KCNIP4: variants seen among roughly 807,000 people sequenced by gnomAD.
KCNIP4 encodes the protein potassium voltage-gated channel interacting protein 4, also known as Kv channel-interacting protein 4.
KCNIP4 carries 12 observed loss-of-function variants against 34.0 expected under a neutral mutation model. The ratio of observed to expected loss-of-function variants is 0.35; its 90% CI spans 0.23 to 0.57. The LOEUF (loss-of-function observed/expected upper bound fraction) is 0.57, where lower values mean the gene tolerates loss of function less well. KCNIP4 is among the 20% of genes least tolerant of loss of function. The pLI, the probability that KCNIP4 is intolerant of heterozygous loss-of-function variation, is 0.83. For missense variants in KCNIP4, 238 were observed against 311.7 expected, an observed-to-expected ratio of 0.76 and a Z score of 1.78; for synonymous variants, 124 against 102.2, an observed-to-expected ratio of 1.21 and a Z score of -1.29.
At position 21,071,844 on chromosome 4, in the gene KCNIP4, C is replaced by T. The variant is rs111823297; in HGVS notation, c.62-189135G>A. Among the ~76,000 whole-genome samples the T allele has an allele frequency of 6.2e-3, 941 of 152,164 alleles. 8 individuals are homozygous for T. Among genetic ancestry groups the T allele is most frequent in the African/African-American group, 0.022 (899 of 41,512 alleles). ...TGTGTGATGTTCCCCTTCCTGTGTC[C>T]AAGTGTTCTCATTGTTCAATTCCCA... On this transcript the variant is annotated intron_variant, in intron 1 of 8. Transcript: ENST00000382152.
chr4:21,460,795 G>A (rs1220447422), intron 1 of KCNIP4, among the ~76,000 whole-genome samples: 2 of 151,974 alleles, frequency 1.3e-5, no homozygotes, highest in Non-Finnish European at 2.9e-5. Context: ...TCCTGGGGGA[G>A]GTCTGGGCAG....
At chr4:21,638,619 A>G (rs1295109651) in intron 1 of KCNIP4, among the ~76,000 whole-genome samples, 1 of 152,148 alleles carries the variant, frequency 6.6e-6, no homozygotes, top group African/African-American at 2.4e-5. Context: ...GGCAGCAAAG[A>G]TTTCAATTTC....
chr4:21,650,208 G>A (rs1362840232), intron 1 of KCNIP4, among the ~76,000 whole-genome samples: 2 of 152,160 alleles, frequency 1.3e-5, no homozygotes, highest in African/African-American at 4.8e-5. Flanking sequence ...CTCACTATGT[G>A]GAAAACCCTT....
chr4:21,543,052 T>C (rs1737837076), intron 1 of KCNIP4, among the ~76,000 whole-genome samples: 2 of 152,066 alleles, frequency 1.3e-5, no homozygotes, highest in Non-Finnish European at 1.5e-5. Context: ...AGGAAATCAA[T>C]AGACATTCCC....
At chr4:21,271,832 T>G (rs1354813691) in intron 1 of KCNIP4, among the ~76,000 whole-genome samples, 1 of 152,194 alleles carries the variant, frequency 6.6e-6, no homozygotes, top group Non-Finnish European at 1.5e-5. Flanking sequence ...GGTTTGGCAG[T>G]GATTTATCGA....
chr4:21,743,687 T>C (rs1716579489), intron 1 of KCNIP4, among the ~76,000 whole-genome samples: 1 of 151,574 alleles, frequency 6.6e-6, no homozygotes, highest in African/African-American at 2.4e-5. Context: ...TTTCTCCATA[T>C]ATCACTTTTA....
chr4:20,960,469 G>A (rs543904807), intron 1 of KCNIP4, among the ~76,000 whole-genome samples: 6 of 152,132 alleles, frequency 3.9e-5, no homozygotes, highest in Non-Finnish European at 5.9e-5. Flanking sequence ...TTCTGCTCAC[G>A]GACACTTGGC....
chr4:21,247,914 CACACACATATATATAT>C (rs1483052147), intron 1 of KCNIP4, among the ~76,000 whole-genome samples: 184 of 136,322 alleles, frequency 1.3e-3, no homozygotes, highest in African/African-American at 5.0e-3. Context: ...TATATACACA[CACACACATATATATAT>C]ACACACATAT....
intron 1 of KCNIP4, chr4:21,316,144 CCTT>C (rs1408652867): frequency 4.6e-5 from 7 of 152,172 alleles, no homozygotes; most frequent in Non-Finnish European, 1.0e-4. Flanking sequence ...AAGATTAACC[CCTT>C]CTTCTTTCTG....
At chr4:21,165,686 G>A (rs1438850805) in intron 1 of KCNIP4, among the ~76,000 whole-genome samples, 1 of 152,012 alleles carries the variant, frequency 6.6e-6, no homozygotes, top group Non-Finnish European at 1.5e-5. Flanking sequence ...AAATTAAGTG[G>A]GACTCCATTA....
chr4:21,753,431 A>G (rs1414109944), intron 1 of KCNIP4, among the ~76,000 whole-genome samples: 1 of 152,216 alleles, frequency 6.6e-6, no homozygotes, highest in Non-Finnish European at 1.5e-5. Context: ...TTTAAATAGC[A>G]TGAGTTTTCA....
rs561494540 is a variant in KCNIP4, at chr4:20,777,551, A to C, written c.289-18661T>G. Among the ~76,000 whole-genome samples, 3 of 152,314 alleles carry C rather than the reference A, an allele frequency of 2.0e-5. No individual in the cohort carries two copies. The South Asian group carries it at 6.2e-4, about 32-fold the overall frequency. On this transcript the variant is annotated intron_variant, in intron 3 of 8. Transcript: ENST00000382152. ...TGACATAATGGAAATATGGTCTTCC[A>C]TGAACCAGGAAGAGGGACTTTACCA...
At chr4:21,474,507 A>G (rs1730749389) in intron 1 of KCNIP4, among the ~76,000 whole-genome samples, 1 of 152,178 alleles carries the variant, frequency 6.6e-6, no homozygotes, top group Non-Finnish European at 1.5e-5. Context: ...TTTCAAAACT[A>G]TAAATTGTGA....
At chr4:20,780,007 A>G (rs549292896) in intron 3 of KCNIP4, among the ~76,000 whole-genome samples, 12 of 152,312 alleles carry the variant, frequency 7.9e-5, no homozygotes, top group African/African-American at 2.6e-4. Flanking sequence ...GTATGTTGCT[A>G]CAGCTGCATT....
chr4:21,884,670 T>C (rs1726657433), intron 1 of KCNIP4, among the ~76,000 whole-genome samples: 1 of 152,122 alleles, frequency 6.6e-6, no homozygotes, highest in Non-Finnish European at 1.5e-5. Flanking sequence ...GCAGGTGATC[T>C]ATGATAAAGG....
intron 1 of KCNIP4, among the ~76,000 whole-genome samples, chr4:21,811,554 A>C (rs1721654088): frequency 6.6e-6 from 1 of 152,202 alleles, no homozygotes; most frequent in African/African-American, 2.4e-5. Context: ...GGATTCGCTG[A>C]GCCTTCCACT....
At chr4:21,637,015 A>G (rs908741589) in intron 1 of KCNIP4, among the ~76,000 whole-genome samples, 5 of 152,232 alleles carry the variant, frequency 3.3e-5, no homozygotes, top group South Asian at 2.1e-4. Context: ...AGCAGCAGCG[A>G]AGAGGGGAGT....
At chr4:21,639,368 G>T (rs140654013) in intron 1 of KCNIP4, among the ~76,000 whole-genome samples, 1 of 152,060 alleles carries the variant, frequency 6.6e-6, no homozygotes, top group Non-Finnish European at 1.5e-5. Flanking sequence ...AAAAAGACAC[G>T]AAATACCTAA....
intron 1 of KCNIP4, among the ~76,000 whole-genome samples, chr4:21,712,204 C>T (rs565430433): frequency 1.1e-4 from 17 of 152,210 alleles, no homozygotes; most frequent in East Asian, 9.6e-4. Flanking sequence ...TAATCCTTCC[C>T]GTTCTAAAAT....
Sources: allele counts gnomAD v4.1 joint callset (sites outside exome capture counted in the v4.1 genomes callset), GRCh38; gene constraint gnomAD v4.1.1; transcripts MANE v1.5; gene names NCBI Gene and HGNC (gene_info 2026-07-23, HGNC 2026-07-21).